The following NRBP1 variants were observed in gnomAD, a reference collection of about 807,000 sequenced individuals.
NRBP1 encodes nuclear receptor binding protein 1.
A neutral mutation model predicts 76.0 loss-of-function variants in NRBP1; 10 were observed. That is an observed-to-expected ratio of 0.13 (90% CI 0.08 to 0.22). NRBP1 has a LOEUF of 0.22. Among genes scored for constraint, NRBP1 ranks in the 10% least tolerant of loss-of-function variants. The pLI is 1.00. For missense variants in NRBP1, 344 were observed against 646.0 expected, an observed-to-expected ratio of 0.53 and a Z score of 5.07; for synonymous variants, 235 against 240.2, an observed-to-expected ratio of 0.98 and a Z score of 0.20.
Position 27,442,200 on chromosome 2 carries a change from T to TG in NRBP1, c.*394dup, listed in dbSNP as rs1248170247. The TG allele has an allele frequency of 1.5e-5, 8 of 539,308 alleles. No individual in the cohort carries two copies. The highest frequency in any genetic ancestry group is 4.9e-4 in the Middle Eastern group (1 of 2,038). 33.4% of individuals were successfully genotyped at this position (539,308 alleles called of 1,614,324 possible). A position where few individuals can be genotyped will look rare whatever the true frequency, so the allele number is the denominator to read the frequency against. On this transcript the variant is annotated 3_prime_UTR_variant, in exon 18 of 18. Coordinates refer to ENST00000379852, the MANE Select transcript of NRBP1 (RefSeq NM_013392.4). The stretch of plus-strand genomic sequence containing the variant: ...AAAGGTGGTGCTGCAGTGGTGGCCC[T>TG]GGGGGGCCATTCGATTCGCCTCAGT...
chr2:27,430,371 T>C (rs868414441), intron 1 of NRBP1, among the ~76,000 whole-genome samples: 6 of 152,158 alleles, frequency 3.9e-5, no homozygotes, highest in African/African-American at 1.2e-4. Context: ...AAATGTGGGC[T>C]TTTCAAAAGA....
In NRBP1 at chr2:27,441,803, C is replaced by G; in HGVS notation, c.1599C>G (p.Val533=). The G allele has an allele frequency of 6.2e-7, 1 of 1,609,554 alleles. No individual in the cohort carries two copies. Among genetic ancestry groups the G allele is most frequent in the Non-Finnish European group, 8.5e-7 (1 of 1,176,158 alleles). ...CCCTCAACTCAGCCGCTGTCACCGT[C>G]TCCTCTTAGAGCTCACTCGGGCCAG... ...NSTLNSAAVT[V]SS Residue 533 remains valine (V), a synonymous_variant, in exon 18 of 18, where the codon GTC becomes GTG. Coordinates refer to ENST00000379852, the MANE Select transcript of NRBP1 (RefSeq NM_013392.4).
chr2:27,432,320 TGGGA>T (rs1421914234), intron 1 of NRBP1, among the ~76,000 whole-genome samples: 1 of 152,240 alleles, frequency 6.6e-6, no homozygotes, highest in Non-Finnish European at 1.5e-5. Flanking sequence ...TTGTCATTCC[TGGGA>T]GGGTCATCTT....
intron 10 of NRBP1, among the ~76,000 whole-genome samples, chr2:27,437,890 A>G (rs1381752520): frequency 6.7e-6 from 1 of 149,134 alleles, no homozygotes; most frequent in African/African-American, 2.5e-5. Context: ...AAGAAAAAAA[A>G]AAAAGTTGTG....
At chr2:27,437,455 C>A in intron 10 of NRBP1, 95 bp downstream of exon 10, 1 of 873,000 alleles carries the variant, frequency 1.1e-6, no homozygotes, top group Non-Finnish European at 1.8e-6. Context: ...CTCCTAAGAG[C>A]TAGGGAACAT....
In NRBP1 at chr2:27,437,111, G is replaced by T; in HGVS notation, c.804+6G>T. 8 of 1,613,228 alleles carry T rather than the reference G, an allele frequency of 5.0e-6. No individual in the cohort carries two copies. The highest frequency in any genetic ancestry group is 6.8e-6 in the Non-Finnish European group (8 of 1,179,202). On this transcript the variant is annotated splice_donor_region_variant and intron_variant, in intron 9 of 17. Transcript: ENST00000379852. ...TTGGCATGTGTGCACTGGAGGTGAG[G>T]GGACTGGAGGGGAGGGGGGAAAGGG...
chr2:27,435,059 G>C, intron 6 of NRBP1, 74 bp from the exon 7 acceptor site: 1 of 849,474 alleles, frequency 1.2e-6, no homozygotes, highest in Non-Finnish European at 2.0e-6. Context: ...CCTGGCCCTT[G>C]CTCCTCTTAA....
chr2:27,440,115 G>A (rs865979896), intron 11 of NRBP1, among the ~76,000 whole-genome samples: 20 of 144,724 alleles, frequency 1.4e-4, no homozygotes, highest in African/African-American at 4.8e-4. Flanking sequence ...AGGCTCAAGC[G>A]ATTCTTGTGC....
intron 9 of NRBP1, 71 bp downstream of exon 9, chr2:27,437,176 A>T: frequency 2.5e-6 from 4 of 1,581,322 alleles, no homozygotes; most frequent in Non-Finnish European, 3.5e-6. Flanking sequence ...AGGGAAGACA[A>T]GTAAGGCGCT....
chr2:27,440,964 T>C, intron 14 of NRBP1, 24 bp downstream of exon 14: 2 of 1,612,694 alleles, frequency 1.2e-6, no homozygotes, highest in Non-Finnish European at 1.7e-6. Context: ...GGGTGTGGAT[T>C]GTCTCCATGG....
chr2:27,442,180 T>A lies in NRBP1; in HGVS notation c.*368T>A, dbSNP rs1664611937. 1 of 529,972 alleles carries A rather than the reference T, an allele frequency of 1.9e-6. No homozygotes were observed. The highest frequency in any genetic ancestry group is 2.0e-5 in the African/African-American group (1 of 49,322). The allele number at this position is 529,972 out of a possible 1,614,324, so 32.8% of individuals were successfully genotyped here. ...GGGCGGCCGGGGCGGGAGAGAAAGG[T>A]GGTGCTGCAGTGGTGGCCCTGGGGG... On this transcript the variant is annotated 3_prime_UTR_variant, in exon 18 of 18. Transcript: ENST00000379852.
Position 27,441,321 on chromosome 2 carries a change from C to G in NRBP1, c.1438C>G (p.Leu480Val). 5 of 1,614,000 alleles carry G rather than the reference C, an allele frequency of 3.1e-6. No individual in the cohort carries two copies. The highest frequency in any genetic ancestry group is 4.2e-6 in the Non-Finnish European group (5 of 1,179,932). The change falls in exon 16 of 18, where the codon CTG (leucine) becomes GTG (valine). Residue 480 changes from leucine (L) to valine (V), a missense_variant. Physicochemically the swap from Leu to Val is conservative, Grantham distance 32 (BLOSUM62 1). This residue lies in a region of NRBP1 where 218 missense variants were observed against 309.8 expected (regional missense o/e 0.70). Transcript: ENST00000379852. ...DKLNRHLSCDLMPNENIPELA... is the reference protein window; with the variant it reads ...DKLNRHLSCDVMPNENIPELA... ...ACTGAACCGGCACCTGAGCTGTGAC[C>G]TGATGCCAAGTGAGTCTCTCCTTTC...
intron 16 of NRBP1, 80 bp from the exon 17 acceptor site, chr2:27,441,487 T>G: frequency 6.0e-6 from 9 of 1,510,140 alleles, no homozygotes; most frequent in Non-Finnish European, 8.3e-6. Flanking sequence ...GACTGACAGT[T>G]TAGCCCTAGT....
rs200375481 is a variant in NRBP1, at chr2:27,437,043, C to G, written c.746-4C>G. The G allele has an allele frequency of 5.4e-4, 878 of 1,613,086 alleles. 1 individual carries two copies. Among genetic ancestry groups the G allele is most frequent in the Non-Finnish European group, 6.3e-4 (745 of 1,179,224 alleles). ...TTAACCAAAGCCTTCTCTGTTTTCCCTAGAAGTCACTAATGTGACAACAGC... is the reference window on the plus strand; with the variant it reads ...TTAACCAAAGCCTTCTCTGTTTTCCGTAGAAGTCACTAATGTGACAACAGC... On this transcript the variant is annotated splice_polypyrimidine_tract_variant and splice_region_variant and intron_variant, in intron 8 of 17. Coordinates refer to ENST00000379852, the MANE Select transcript of NRBP1 (RefSeq NM_013392.4).
In NRBP1 at chr2:27,439,880, T is replaced by A; in HGVS notation, c.1018T>A (p.Cys340Ser). Residue 340 changes from cysteine (C) to serine (S), a missense_variant, in exon 11 of 18, where the codon TGC becomes AGC. Coordinates refer to ENST00000379852, the MANE Select transcript of NRBP1 (RefSeq NM_013392.4). ...VPSLKLLAAHCIVGHQHMIPE... is the reference protein window; with the variant it reads ...VPSLKLLAAHSIVGHQHMIPE... ...CTCGCTCAAACTCCTTGCGGCCCAC[T>A]GCATTGTGGGACACCAACGTGAGTC... The A allele has an allele frequency of 6.2e-7, 1 of 1,613,692 alleles. No individual in the cohort carries two copies. Among genetic ancestry groups the A allele is most frequent in the Non-Finnish European group, 8.5e-7 (1 of 1,179,840 alleles).
chr2:27,436,703 C>T (rs2148449954), intron 7 of NRBP1, 50 bp from the exon 8 acceptor site: 1 of 1,526,572 alleles, frequency 6.6e-7, no homozygotes, highest in East Asian at 2.2e-5. Flanking sequence ...TGGAGTGAGA[C>T]TATTCTTCAT....
At position 27,433,699 on chromosome 2, in the gene NRBP1, T is replaced by A; in HGVS notation, c.237T>A (p.Ile79=). Residue 79 remains isoleucine (I), a synonymous_variant, in exon 3 of 18, where the codon ATT becomes ATA. Transcript: ENST00000379852. ...TGAATCAACGGAATGTACCAGGTAT[T>A]GACAGTGCATACCTGGCCATGGATA... ...EEVNQRNVPG[I]DSAYLAMDTE... is the part of the protein sequence containing the mutation. 1 of 1,613,898 alleles carries A rather than the reference T, an allele frequency of 6.2e-7. No individual in the cohort carries two copies. The highest frequency in any genetic ancestry group is 1.3e-5 in the African/African-American group (1 of 75,044).
chr2:27,439,672 A>T, intron 10 of NRBP1, 94 bp from the exon 11 acceptor site: 1 of 1,484,774 alleles, frequency 6.7e-7, no homozygotes, highest in Non-Finnish European at 9.2e-7. Flanking sequence ...CCTACTATGT[A>T]CAAAGCCTTG....
At chr2:27,435,728 C>T in intron 7 of NRBP1, 1 of 717,640 alleles carries the variant, frequency 1.4e-6, no homozygotes, top group Non-Finnish European at 2.6e-6. Context: ...AACAGTCTTT[C>T]ATAGGATTTT....
Sources: allele counts gnomAD v4.1 joint callset (sites outside exome capture counted in the v4.1 genomes callset), GRCh38; gene constraint gnomAD v4.1.1; regional missense constraint gnomAD v4.1.1; transcripts MANE v1.5; gene names NCBI Gene and HGNC (gene_info 2026-07-23, HGNC 2026-07-21).